SOX6: variants seen among roughly 807,000 people sequenced by gnomAD.
SOX6 encodes the protein SRY-box transcription factor 6.
Under a neutral mutation model 97.8 loss-of-function variants are expected in SOX6, and 11 were observed. The ratio of observed to expected loss-of-function variants is 0.11; its 90% confidence interval spans 0.07 to 0.19. The LOEUF is 0.19. Ranked by LOEUF, SOX6 falls within the 10% of genes least tolerant of loss-of-function variation. The probability of loss-of-function intolerance (pLI) is 1.00; values close to 1 mark genes in which losing one functional copy is unlikely to be tolerated. For synonymous variants in SOX6, 360 were observed against 371.4 expected, an observed-to-expected ratio of 0.97 and a Z score of 0.35; for missense variants, 810 against 1,039.5, an observed-to-expected ratio of 0.78 and a Z score of 3.04.
intron 3 of SOX6, among the ~76,000 whole-genome samples, chr11:16,640,709 T>C (rs1263178693): frequency 6.6e-6 from 1 of 152,212 alleles, no homozygotes; most frequent in Non-Finnish European, 1.5e-5. Flanking sequence ...GAGGTGTTTA[T>C]AGTATTCTCT....
At chr11:15,998,361 T>C (rs973525885) in intron 13 of SOX6, among the ~76,000 whole-genome samples, 1 of 150,184 alleles carries the variant, frequency 6.7e-6, no homozygotes, top group Admixed American at 6.7e-5. Flanking sequence ...TACTTGGGAA[T>C]AAATTTAACT....
chr11:16,539,778 T>G (rs1468975322), intron 4 of SOX6, among the ~76,000 whole-genome samples: 1 of 152,124 alleles, frequency 6.6e-6, no homozygotes. Context: ...CAGGAAGAAG[T>G]TGAATCTCTG....
chr11:16,345,503 C>T (rs1856752470), intron 1 of SOX6, among the ~76,000 whole-genome samples: 2 of 151,964 alleles, frequency 1.3e-5, no homozygotes, highest in Admixed American at 1.3e-4. Context: ...TCTAGGAAGT[C>T]AGTACGAACA....
chr11:16,503,451 AC>A (rs1283890935), intron 4 of SOX6, among the ~76,000 whole-genome samples: 1 of 152,202 alleles, frequency 6.6e-6, no homozygotes, highest in Admixed American at 6.5e-5. Flanking sequence ...ATCAATAATA[AC>A]CTTTAATGTA....
At chr11:16,109,515 C>T (rs1322608211) in intron 7 of SOX6, among the ~76,000 whole-genome samples, 1 of 151,986 alleles carries the variant, frequency 6.6e-6, no homozygotes, top group Non-Finnish European at 1.5e-5. Context: ...ACATACATTT[C>T]AAGTGAAGTT....
intron 7 of SOX6, among the ~76,000 whole-genome samples, chr11:16,104,676 G>A (rs1006365228): frequency 2.6e-5 from 4 of 151,332 alleles, no homozygotes; most frequent in African/African-American, 9.7e-5. Context: ...ACACAGGTTG[G>A]GGGTTATCTT....
intron 13 of SOX6, among the ~76,000 whole-genome samples, chr11:16,009,472 T>C (rs1285972129): frequency 1.3e-5 from 2 of 152,082 alleles, no homozygotes; most frequent in Non-Finnish European, 2.9e-5. Context: ...ATGATAAGTT[T>C]TATTGGTAGG....
At chr11:16,531,728 T>A (rs1861239116) in intron 4 of SOX6, among the ~76,000 whole-genome samples, 1 of 151,980 alleles carries the variant, frequency 6.6e-6, no homozygotes, top group Non-Finnish European at 1.5e-5. Flanking sequence ...ACATTATGTG[T>A]AGTCTATATT....
In SOX6 at chr11:15,973,245, T is replaced by TA. The variant is rs1415435147; in HGVS notation, c.2184-134dup. On this transcript the variant is annotated intron_variant, in intron 15 of 15. Transcript: ENST00000683767. Reference sequence around the variant, plus strand: ...AATGTTAAATAACATTCTAAGCAAATAAAATGTGACAAAGGTGTTCCCTGG... The same window carrying TA: ...AATGTTAAATAACATTCTAAGCAAATAAAAATGTGACAAAGGTGTTCCCTGG... 2.9e-4 allele frequency: 258 copies of TA among 891,594 alleles called. 2 individuals are homozygous for TA. The East Asian group carries it at 6.7e-3, about 23-fold the overall frequency. The allele number at this position is 891,594 out of a possible 1,614,324, so 55.2% of individuals were successfully genotyped here.
At chr11:16,412,082 T>A (rs376351744) in intron 1 of SOX6, among the ~76,000 whole-genome samples, 4 of 152,124 alleles carry the variant, frequency 2.6e-5, no homozygotes. Flanking sequence ...AAAGGAAAAC[T>A]ACACACAGAA....
intron 6 of SOX6, among the ~76,000 whole-genome samples, chr11:16,140,403 G>T (rs1426749153): frequency 6.6e-6 from 1 of 152,046 alleles, no homozygotes; most frequent in Non-Finnish European, 1.5e-5. Context: ...TAACTGGGAG[G>T]CAGCATTATA....
rs1176960311 is a variant in SOX6, at chr11:16,106,454, TG to T, written c.898+5348del. On this transcript the variant is annotated intron_variant, in intron 7 of 15. Transcript: ENST00000683767. ...TTTACATATATAGTTGATTGATTTTTGACAAAGGTGCAAAAACCATTGAATG... is the reference window on the plus strand; with the variant it reads ...TTTACATATATAGTTGATTGATTTTTACAAAGGTGCAAAAACCATTGAATG... Among the ~76,000 whole-genome samples, 4 of 152,122 alleles carry T rather than the reference TG, an allele frequency of 2.6e-5. No individual in the cohort carries two copies. The East Asian group carries it at 7.7e-4, about 29-fold the overall frequency.
intron 3 of SOX6, among the ~76,000 whole-genome samples, chr11:16,678,199 A>T (rs1004326643): frequency 1.2e-4 from 18 of 151,796 alleles, no homozygotes; most frequent in Admixed American, 4.6e-4. Flanking sequence ...GTTTGGGTTT[A>T]GTTTGCTTGT....
intron 6 of SOX6, among the ~76,000 whole-genome samples, chr11:16,176,889 C>T (rs1851202078): frequency 6.6e-6 from 1 of 151,886 alleles, no homozygotes; most frequent in African/African-American, 2.4e-5. Flanking sequence ...TCTGATAATA[C>T]TTGCTTTTTA....
At chr11:16,604,208 C>T (rs1393921861) in intron 4 of SOX6, among the ~76,000 whole-genome samples, 1 of 152,234 alleles carries the variant, frequency 6.6e-6, no homozygotes, top group Non-Finnish European at 1.5e-5. Context: ...CGTGCGCGGG[C>T]GGGCCGACCA....
chr11:16,476,249 A>G (rs1229825202), intron 1 of SOX6: 1 of 152,378 alleles, frequency 6.6e-6, no homozygotes, highest in African/African-American at 2.4e-5. Context: ...AGGAGTTAAG[A>G]ACTTGTTTAC....
intron 6 of SOX6, among the ~76,000 whole-genome samples, chr11:16,140,180 T>C (rs1351909715): frequency 6.6e-6 from 1 of 152,136 alleles, no homozygotes; most frequent in Non-Finnish European, 1.5e-5. Flanking sequence ...GACCCAACTC[T>C]TGTTAAGCCA....
intron 2 of SOX6, among the ~76,000 whole-genome samples, chr11:16,327,305 T>C (rs746402500): frequency 1.3e-5 from 2 of 152,188 alleles, no homozygotes; most frequent in African/African-American, 2.4e-5. Flanking sequence ...CAATAAATGA[T>C]AGCTACTCTT....
At chr11:16,550,502 A>G (rs184535821) in intron 4 of SOX6, among the ~76,000 whole-genome samples, 4 of 152,106 alleles carry the variant, frequency 2.6e-5, no homozygotes, top group Admixed American at 2.6e-4. Flanking sequence ...TAAAAAATCT[A>G]TATCTTAAGT....
Sources: allele counts gnomAD v4.1 joint callset (sites outside exome capture counted in the v4.1 genomes callset), GRCh38; gene constraint gnomAD v4.1.1; transcripts MANE v1.5; gene names NCBI Gene and HGNC (gene_info 2026-07-23, HGNC 2026-07-21).